Variants in KAT6B observed in about 807,000 individuals in gnomAD.
KAT6B encodes the protein lysine acetyltransferase 6B.
A neutral mutation model predicts 187.5 loss-of-function variants in KAT6B; 10 were observed. That is an observed-to-expected ratio of 0.05 (90% CI 0.03 to 0.09). KAT6B has a LOEUF of 0.09. Ranked by LOEUF, KAT6B falls within the 10% of genes least tolerant of loss-of-function variation. The probability of loss-of-function intolerance (pLI) is 1.00; values close to 1 mark genes in which losing one functional copy is unlikely to be tolerated. For missense variants in KAT6B, 1,952 were observed against 2,558.9 expected, an observed-to-expected ratio of 0.76 and a Z score of 5.12; for synonymous variants, 861 against 926.8, an observed-to-expected ratio of 0.93 and a Z score of 1.29.
chr10:74,910,138 A>G (rs1303985800), intron 3 of KAT6B, among the ~76,000 whole-genome samples: 1 of 136,638 alleles, frequency 7.3e-6, no homozygotes, highest in African/African-American at 3.6e-5. Context: ...AAAAAAAAAA[A>G]AAAAAAAATA....
In KAT6B at chr10:75,020,720, G is replaced by A. The variant is rs1416510633; in HGVS notation, c.2768G>A (p.Ser923Asn). The A allele has an allele frequency of 6.2e-7, 1 of 1,614,136 alleles. No individual in the cohort carries two copies. The highest frequency in any genetic ancestry group is 1.1e-5 in the South Asian group (1 of 91,072). ...YLYHHHERHI[S>N]IKAISRATGM... ...TACCACCACCATGAGAGGCACATCA[G>A]CATCAAGGCAATTAGCAGAGCGACG... The change falls in exon 14 of 18, where the codon AGC becomes AAC. Residue 923 changes from serine (S) to asparagine (N), a missense_variant. Coordinates refer to ENST00000287239, the MANE Select transcript of KAT6B (RefSeq NM_012330.4).
chr10:74,871,348 A>C (rs1420831459), intron 3 of KAT6B, among the ~76,000 whole-genome samples: 1 of 150,776 alleles, frequency 6.6e-6, no homozygotes, highest in African/African-American at 2.4e-5. Context: ...ACACACCGTC[A>C]TACCCGGCTG....
intron 13 of KAT6B, among the ~76,000 whole-genome samples, chr10:75,005,776 A>G (rs1340789720): frequency 6.6e-6 from 1 of 152,084 alleles, no homozygotes; most frequent in African/African-American, 2.4e-5. Context: ...CAATATAAAA[A>G]CCTTTTTTGT....
At chr10:74,964,922 C>G (rs1047648291) in intron 4 of KAT6B, among the ~76,000 whole-genome samples, 1 of 152,144 alleles carries the variant, frequency 6.6e-6, no homozygotes, top group Non-Finnish European at 1.5e-5. Context: ...CGATGCATCC[C>G]CACCAGCCAG....
rs200344366 is a variant in KAT6B, at chr10:75,029,096, T to C, written c.4272T>C (p.His1424=). 3.1e-6 allele frequency: 5 copies of C among 1,614,112 alleles called. No homozygotes were observed. In the East Asian group the frequency reaches 1.1e-4, roughly 36 times the overall value. The change falls in exon 18 of 18, where the codon CAT becomes CAC. Residue 1424 remains histidine (H), a synonymous_variant. Coordinates refer to ENST00000287239, the MANE Select transcript of KAT6B (RefSeq NM_012330.4). This position sits in a 1 kb window ranked among gnomAD's most constrained non-coding sequence, Gnocchi z 6.2. ...AAGAGCCATCCCACAACGAGGACCA[T>C]GATGCCGATGACGAGGATGACAGCC... ...EDEEPSHNED[H]DADDEDDSHM...
intron 3 of KAT6B, among the ~76,000 whole-genome samples, chr10:74,914,710 A>G (rs1379910753): frequency 1.3e-5 from 2 of 152,172 alleles, no homozygotes; most frequent in Non-Finnish European, 2.9e-5. Context: ...GTGCAAATTG[A>G]TATTTTTTTC....
chr10:74,938,859 C>T (rs186882309), intron 3 of KAT6B, among the ~76,000 whole-genome samples: 29 of 152,140 alleles, frequency 1.9e-4, no homozygotes, highest in African/African-American at 7.0e-4. Context: ...GCCTCAGCCT[C>T]CTGAGTAGCT....
chr10:74,986,002 C>T (rs577548778), intron 12 of KAT6B, among the ~76,000 whole-genome samples: 19 of 152,176 alleles, frequency 1.2e-4, no homozygotes, highest in South Asian at 6.3e-4. Flanking sequence ...GCCGAGATCG[C>T]GCCACTGCAC....
Position 74,977,556 on chromosome 10 carries a change from G to A in KAT6B, c.2115+119G>A, listed in dbSNP as rs1042755463. The A allele has an allele frequency of 7.8e-6, 10 of 1,282,104 alleles. No individual in the cohort carries two copies. In the African/African-American group the frequency reaches 1.2e-4, roughly 15 times the overall value. The allele number at this position is 1,282,104 out of a possible 1,614,324, so 79.4% of individuals were successfully genotyped here. A position where few individuals can be genotyped will look rare whatever the true frequency, so the allele number is the denominator to read the frequency against. ...TTTCAACATCCTTTGTGATTCTTTA[G>A]CCGTTATCATGCCCATTTCTACTGA... On this transcript the variant is annotated intron_variant, in intron 9 of 17. Transcript: ENST00000287239.
intron 3 of KAT6B, among the ~76,000 whole-genome samples, chr10:74,923,105 T>C (rs1375313418): frequency 2.0e-5 from 3 of 152,206 alleles, no homozygotes; most frequent in Non-Finnish European, 4.4e-5. Context: ...CTTGTTTATT[T>C]ATTGGGTGTG....
In KAT6B at chr10:75,028,874, TGAGGAAGAGGAAGAGGAGGAGGAG is replaced by T. The variant is rs1554845532; in HGVS notation, c.4065_4088del (p.Glu1361_Glu1368del). The T allele has an allele frequency of 6.2e-7, 1 of 1,609,550 alleles. No homozygotes were observed. Among genetic ancestry groups the T allele is most frequent in the Non-Finnish European group, 8.5e-7 (1 of 1,179,056 alleles). On this transcript the variant is annotated inframe_deletion, in exon 18 of 18. Coordinates refer to ENST00000287239, the MANE Select transcript of KAT6B (RefSeq NM_012330.4). ...AACCAGAAGATGATCTCATCAAACCTGAGGAAGAGGAAGAGGAGGAGGAGGAGGAAGAGGAAGAAGAGGAAGAAG... is the reference window on the plus strand; with the variant it reads ...AACCAGAAGATGATCTCATCAAACCTGAGGAAGAGGAAGAAGAGGAAGAAG...
Position 75,008,922 on chromosome 10 carries a change from G to A in KAT6B, c.2630-11660G>A, listed in dbSNP as rs147395047. Reference sequence around the variant, plus strand: ...CACACATAATTAAATAGCTGTGGAAGGGTTAAAACCAACTAAAAAGCAATT... The same window carrying A: ...CACACATAATTAAATAGCTGTGGAAAGGTTAAAACCAACTAAAAAGCAATT... On this transcript the variant is annotated intron_variant, in intron 13 of 17. Coordinates refer to ENST00000287239, the MANE Select transcript of KAT6B (RefSeq NM_012330.4). 2.7e-3 allele frequency among the ~76,000 whole-genome samples: 414 copies of A among 152,264 alleles called. 4 individuals carry two copies. Among genetic ancestry groups the A allele is most frequent in the African/African-American group, 9.6e-3 (399 of 41,544 alleles).
chr10:74,993,545 TTAAAG>T (rs1435297342), intron 13 of KAT6B, among the ~76,000 whole-genome samples: 1 of 152,232 alleles, frequency 6.6e-6, no homozygotes, highest in Non-Finnish European at 1.5e-5. Context: ...AATCAAGATA[TTAAAG>T]TAATTTATGC....
At chr10:74,872,501 G>A (rs775642838) in intron 3 of KAT6B, among the ~76,000 whole-genome samples, 1 of 152,022 alleles carries the variant, frequency 6.6e-6, no homozygotes. Context: ...TCAGCCTCCC[G>A]AGTAGGTGGG....
rs1283756331 is a variant in KAT6B at position 74,904,199 on chromosome 10, A to G, written c.622-55771A>G. On this transcript the variant is annotated intron_variant, in intron 3 of 17. Transcript: ENST00000287239. ...TTAGTTTTCAATTACAGTGTAACAC[A>G]TAACCACAAGTTAGCAGCTTAAAAC... Among the ~76,000 whole-genome samples the G allele has an allele frequency of 2.6e-5, 4 of 152,236 alleles. 1 individual carries two copies.
chr10:74,970,272 T>C (rs1389889993), intron 6 of KAT6B, among the ~76,000 whole-genome samples, 171 bp downstream of exon 6: 1 of 151,480 alleles, frequency 6.6e-6, no homozygotes, highest in Non-Finnish European at 1.5e-5. Flanking sequence ...TATAAAAGCA[T>C]AGAAAAAAAT....
At chr10:74,966,833 C>G (rs1260590030) in intron 4 of KAT6B, among the ~76,000 whole-genome samples, 1 of 151,798 alleles carries the variant, frequency 6.6e-6, no homozygotes, top group Non-Finnish European at 1.5e-5. Flanking sequence ...CAAGACCAGC[C>G]TGGCCAACAT....
intron 16 of KAT6B, among the ~76,000 whole-genome samples, chr10:75,024,470 G>A (rs1845663466): frequency 6.6e-6 from 1 of 152,178 alleles, no homozygotes; most frequent in South Asian, 2.1e-4. Flanking sequence ...ATGAGAAAAA[G>A]TAGGCTGGTC....
intron 3 of KAT6B, among the ~76,000 whole-genome samples, chr10:74,860,172 T>C (rs976162065): frequency 2.0e-5 from 3 of 152,180 alleles, no homozygotes; most frequent in Non-Finnish European, 2.9e-5. Flanking sequence ...TTGACATGTA[T>C]CTTGTGGAAA....
Sources: allele counts gnomAD v4.1 joint callset (sites outside exome capture counted in the v4.1 genomes callset), GRCh38; gene constraint gnomAD v4.1.1; non-coding constraint Gnocchi (gnomAD v3.1); transcripts MANE v1.5; gene names NCBI Gene and HGNC (gene_info 2026-07-23, HGNC 2026-07-21).